BICC1: variants seen among roughly 807,000 people sequenced by gnomAD.
The protein encoded by BICC1 is protein bicaudal C homolog 1.
BICC1 carries 43 observed loss-of-function variants against 111.0 expected under a neutral mutation model. The ratio of observed to expected loss-of-function variants is 0.39; its 90% confidence interval spans 0.30 to 0.50. The LOEUF (loss-of-function observed/expected upper bound fraction) is 0.50, where lower values mean the gene tolerates loss of function less well. Among genes scored for constraint, BICC1 ranks in the 20% least tolerant of loss-of-function variants. BICC1 has a pLI of 0.88. For synonymous variants in BICC1, 467 were observed against 434.4 expected (o/e 1.07, Z -0.93); for missense variants, 1,091 against 1,203.2 (o/e 0.91, Z 1.38).
chr10:58,710,880 G>T (rs1328025409), intron 3 of BICC1, among the ~76,000 whole-genome samples: 1 of 152,078 alleles, frequency 6.6e-6, no homozygotes, highest in East Asian at 1.9e-4. Flanking sequence ...ATAGGGACTT[G>T]CTCCTTTGCC....
intron 3 of BICC1, among the ~76,000 whole-genome samples, chr10:58,730,385 G>T (rs1173838832): frequency 6.6e-6 from 1 of 152,168 alleles, no homozygotes; most frequent in Non-Finnish European, 1.5e-5. Context: ...AGCCCCTGTG[G>T]CTACTGTCAT....
chr10:58,814,233 C>CCTAT, intron 18 of BICC1: 1 of 617,108 alleles, frequency 1.6e-6, no homozygotes, highest in Non-Finnish European at 2.9e-6. Flanking sequence ...TATTTATCTA[C>CCTAT]CTATCTGTAT....
At chr10:58,555,477 T>C (rs1843425899) in intron 1 of BICC1, among the ~76,000 whole-genome samples, 1 of 152,052 alleles carries the variant, frequency 6.6e-6, no homozygotes. Context: ...AAATTTCTTT[T>C]CTGATTATCA....
At chr10:58,659,245 G>A (rs1006878532) in intron 2 of BICC1, among the ~76,000 whole-genome samples, 1 of 152,100 alleles carries the variant, frequency 6.6e-6, no homozygotes, top group Admixed American at 6.6e-5. Context: ...GTATGTACCC[G>A]AAGGAATAGA....
At chr10:58,593,361 G>A (rs905139992) in intron 1 of BICC1, among the ~76,000 whole-genome samples, 1 of 152,148 alleles carries the variant, frequency 6.6e-6, no homozygotes, top group Non-Finnish European at 1.5e-5. Context: ...AGAGAGCAGT[G>A]GACCTCCCAG....
chr10:58,627,407 G>A (rs763775087), intron 2 of BICC1, among the ~76,000 whole-genome samples: 2 of 152,204 alleles, frequency 1.3e-5, no homozygotes, highest in Non-Finnish European at 2.9e-5. Flanking sequence ...ATATTATTTT[G>A]TAAAGTGTTC....
intron 1 of BICC1, among the ~76,000 whole-genome samples, chr10:58,618,058 G>A (rs1470879822): frequency 6.6e-6 from 1 of 152,232 alleles, no homozygotes; most frequent in African/African-American, 2.4e-5. Context: ...TCTGCCTAGG[G>A]GGTGGAATGT....
In BICC1 at chr10:58,830,388, G is replaced by T. The variant is rs1408927222; in HGVS notation, c.*1497G>T. The T allele has an allele frequency of 6.6e-6, 1 of 152,076 alleles. No individual in the cohort carries two copies. The highest frequency in any genetic ancestry group is 1.5e-5 in the Non-Finnish European group (1 of 68,008). 9.4% of individuals were successfully genotyped at this position (152,076 alleles called of 1,614,324 possible). A position where few individuals can be genotyped will look rare whatever the true frequency, so the allele number is the denominator to read the frequency against. On this transcript the variant is annotated 3_prime_UTR_variant, in exon 21 of 21. Coordinates refer to ENST00000373886, the MANE Select transcript of BICC1 (RefSeq NM_001080512.3). ...CATAGGAAATGTTGTCAAGTTACCT[G>T]TACTGTAAAGAGTTATTTATGTTCA... is the stretch of plus-strand genomic sequence containing the variant.
chr10:58,605,341 A>G (rs566499009), intron 1 of BICC1, among the ~76,000 whole-genome samples: 1 of 152,140 alleles, frequency 6.6e-6, no homozygotes, highest in Non-Finnish European at 1.5e-5. Flanking sequence ...TTTCTTGCTG[A>G]TTCTTCATTT....
At chr10:58,805,156 G>C (rs922786777) in intron 15 of BICC1, among the ~76,000 whole-genome samples, 5 of 152,236 alleles carry the variant, frequency 3.3e-5, no homozygotes, top group African/African-American at 9.6e-5. Context: ...AGCCCAGCTT[G>C]GTGGTGGGCG....
chr10:58,746,264 T>C (rs1308682959), intron 3 of BICC1, among the ~76,000 whole-genome samples: 1 of 152,128 alleles, frequency 6.6e-6, no homozygotes, highest in Non-Finnish European at 1.5e-5. Flanking sequence ...AATATTACAA[T>C]TTAGGGTGAG....
chr10:58,676,832 A>G (rs1392007342), intron 2 of BICC1, among the ~76,000 whole-genome samples: 1 of 152,194 alleles, frequency 6.6e-6, no homozygotes, highest in African/African-American at 2.4e-5. Context: ...TCCCTCTGGG[A>G]AAAAGCTTCC....
At position 58,809,217 on chromosome 10, in the gene BICC1, G is replaced by T. The variant is rs557575265; in HGVS notation, c.2376+2059G>T. 2.1e-4 allele frequency among the ~76,000 whole-genome samples: 31 copies of T among 149,902 alleles called. No individual in the cohort carries two copies. The South Asian group carries it at 6.1e-3, about 30-fold the overall frequency. On this transcript the variant is annotated intron_variant, in intron 17 of 20. Transcript: ENST00000373886. Reference sequence around the variant, plus strand: ...TTTGTATTTTTTTTTTTCTTTTTTAGTAGACACAGGGTTTCACCATGTTGG... The same window carrying T: ...TTTGTATTTTTTTTTTTCTTTTTTATTAGACACAGGGTTTCACCATGTTGG...
intron 1 of BICC1, among the ~76,000 whole-genome samples, chr10:58,559,994 G>A (rs945381594): frequency 2.7e-5 from 4 of 149,970 alleles, no homozygotes; most frequent in African/African-American, 4.9e-5. Flanking sequence ...TTGCATCTAG[G>A]TTTATCAGGG....
intron 3 of BICC1, among the ~76,000 whole-genome samples, chr10:58,765,799 A>C (rs1291968519): frequency 6.6e-6 from 1 of 152,232 alleles, no homozygotes; most frequent in Admixed American, 6.5e-5. Context: ...TAATCATGTC[A>C]AAAAAGCTGA....
At chr10:58,820,548 C>T in intron 20 of BICC1, 80 bp downstream of exon 20, 1 of 1,015,130 alleles carries the variant, frequency 9.9e-7, no homozygotes, top group Non-Finnish European at 1.5e-6. Flanking sequence ...TGTTTCTACC[C>T]ATTAACTGCT....
intron 2 of BICC1, among the ~76,000 whole-genome samples, chr10:58,696,955 C>G (rs371649959): frequency 7.2e-5 from 11 of 152,242 alleles, no homozygotes; most frequent in African/African-American, 2.6e-4. Context: ...TCATTTTCTT[C>G]GTGGAGATTT....
chr10:58,820,351 T>C lies in BICC1; in HGVS notation c.2695-18T>C, dbSNP rs1467315127. ...AGTAATTAATACATTGGTTATAGATTGACCTTTCTACCCACAGATCGATCT... is the reference window on the plus strand; with the variant it reads ...AGTAATTAATACATTGGTTATAGATCGACCTTTCTACCCACAGATCGATCT... On this transcript the variant is annotated intron_variant, in intron 19 of 20. Coordinates refer to ENST00000373886, the MANE Select transcript of BICC1 (RefSeq NM_001080512.3). The C allele has an allele frequency of 6.4e-7, 1 of 1,550,764 alleles. No individual in the cohort carries two copies. Among genetic ancestry groups the C allele is most frequent in the South Asian group, 1.1e-5 (1 of 89,670 alleles).
chr10:58,722,177 G>T (rs181566143), intron 3 of BICC1, among the ~76,000 whole-genome samples: 1 of 152,156 alleles, frequency 6.6e-6, no homozygotes, highest in African/African-American at 2.4e-5. Flanking sequence ...GAATCCATCC[G>T]GTTTCCATGA....
Sources: gnomAD v4.1 joint callset for allele counts (sites outside exome capture counted in the v4.1 genomes callset) on GRCh38, gnomAD v4.1.1 for gene constraint, MANE v1.5 for transcripts, NCBI Gene and HGNC (gene_info 2026-07-23, HGNC 2026-07-21) for gene names.